The following VPS13C variants were observed in gnomAD, a reference collection of about 807,000 sequenced individuals.
The protein encoded by VPS13C is vacuolar protein sorting 13 homolog C, also known as intermembrane lipid transfer protein VPS13C.
VPS13C carries 358 observed loss-of-function variants against 456.8 expected under a neutral mutation model. The observed-to-expected ratio is 0.78, with a 90% CI of 0.72 to 0.86. VPS13C has a LOEUF of 0.86. Ranked by LOEUF, VPS13C falls within the 40% of genes least tolerant of loss-of-function variation. The probability of loss-of-function intolerance (pLI) is 0.00; values close to 1 mark genes in which losing one functional copy is unlikely to be tolerated. For synonymous variants in VPS13C, 1,578 were observed against 1,486.7 expected, an observed-to-expected ratio of 1.06 and a Z score of -1.41; for missense variants, 4,818 against 4,385.4, an observed-to-expected ratio of 1.10 and a Z score of -2.79.
chr15:61,946,378 G>C lies in VPS13C; in HGVS notation c.4909C>G (p.Gln1637Glu), dbSNP rs2044605641. 2 of 1,606,284 alleles carry C rather than the reference G, an allele frequency of 1.2e-6. No individual in the cohort carries two copies. The highest frequency in any genetic ancestry group is 1.7e-6 in the Non-Finnish European group (2 of 1,176,704). The change falls in exon 44 of 85, where the codon CAG becomes GAG. Residue 1637 changes from glutamine to glutamate, a missense_variant. Around this residue, in one of 3 missense-constraint regions of VPS13C, gnomAD observed 4,552 missense variants for 4,130.6 expected, o/e 1.10. Transcript: ENST00000644861. ...TTAAGTCTGGCAAACACATCAGTCT[G>C]CTTAGGCTTCACAGAAATAGAGGCA... ...MDASISVKPK[Q>E]TDVFARLKDI...
chr15:61,894,020 G>A (rs757191647), intron 66 of VPS13C, among the ~76,000 whole-genome samples: 6 of 152,036 alleles, frequency 3.9e-5, no homozygotes, highest in Non-Finnish European at 8.8e-5. Context: ...AAAAGAATCA[G>A]AAAGGCCAGG....
intron 5 of VPS13C, among the ~76,000 whole-genome samples, chr15:62,030,190 A>T (rs1374698661): frequency 1.3e-5 from 2 of 152,180 alleles, no homozygotes; most frequent in African/African-American, 2.4e-5. Context: ...TTAAAGATAA[A>T]TTTACATAGA....
intron 82 of VPS13C, among the ~76,000 whole-genome samples, chr15:61,857,009 T>TA (rs1472511566): frequency 1.3e-5 from 2 of 151,702 alleles, no homozygotes; most frequent in South Asian, 2.1e-4. Context: ...TCAATGGCAA[T>TA]AAAAAAAATA....
At chr15:61,907,097 C>G in intron 66 of VPS13C, 167 bp downstream of exon 66, 2 of 837,530 alleles carry the variant, frequency 2.4e-6, no homozygotes, top group Non-Finnish European at 3.8e-6. Context: ...AGGTAATATA[C>G]TGGTTTGAAC....
chr15:62,006,627 G>A (rs1247377009), intron 15 of VPS13C, among the ~76,000 whole-genome samples: 3 of 152,188 alleles, frequency 2.0e-5, no homozygotes, highest in South Asian at 2.1e-4. Context: ...CCCAGTAACG[G>A]GATGGCTGGG....
intron 27 of VPS13C, among the ~76,000 whole-genome samples, chr15:61,970,155 A>G (rs1306952708): frequency 2.0e-5 from 3 of 152,182 alleles, no homozygotes; most frequent in African/African-American, 7.2e-5. Flanking sequence ...AGAGGCCATA[A>G]GTAGGTGTTT....
chr15:61,888,409 CTTTA>C (rs139889845), intron 67 of VPS13C, among the ~76,000 whole-genome samples: 1,768 of 152,220 alleles, frequency 0.012, 43 homozygotes, highest in African/African-American at 0.041. Flanking sequence ...TTTATAACAG[CTTTA>C]TTTGTCATTG....
intron 15 of VPS13C, among the ~76,000 whole-genome samples, chr15:62,000,843 T>C (rs1297906618): frequency 6.6e-6 from 1 of 152,154 alleles, no homozygotes; most frequent in East Asian, 1.9e-4. Flanking sequence ...TCATTAAATA[T>C]AGTATGAAAA....
At chr15:62,005,819 C>T (rs1040301577) in intron 15 of VPS13C, among the ~76,000 whole-genome samples, 2 of 152,002 alleles carry the variant, frequency 1.3e-5, no homozygotes, top group Admixed American at 1.3e-4. Flanking sequence ...TCTCCTGCCT[C>T]AGCCTCCCGA....
intron 60 of VPS13C, 124 bp from the exon 61 acceptor site, chr15:61,916,146 A>G (rs1786929079): frequency 9.0e-7 from 1 of 1,109,820 alleles, no homozygotes; most frequent in Admixed American, 2.9e-5. Flanking sequence ...TCTGTGAAGT[A>G]CCATGCTTAC....
intron 13 of VPS13C, among the ~76,000 whole-genome samples, chr15:62,009,134 T>C (rs2046954959): frequency 6.6e-6 from 1 of 152,166 alleles, no homozygotes; most frequent in Non-Finnish European, 1.5e-5. Flanking sequence ...TGATATAAAA[T>C]ATGCCTGTTT....
chr15:61,889,071 G>C (rs1435127244), intron 67 of VPS13C, among the ~76,000 whole-genome samples: 1 of 151,984 alleles, frequency 6.6e-6, no homozygotes, highest in Non-Finnish European at 1.5e-5. Context: ...TGAAAATCTA[G>C]ATTTCACTGA....
At chr15:61,929,460 A>C (rs757536701) in intron 51 of VPS13C, 41 bp downstream of exon 51, 2 of 1,558,760 alleles carry the variant, frequency 1.3e-6, no homozygotes, top group South Asian at 2.4e-5. Flanking sequence ...TTCTTGTCAA[A>C]ATATACAAGT....
At chr15:61,987,006 G>A (rs894842532) in intron 18 of VPS13C, among the ~76,000 whole-genome samples, 21 of 152,128 alleles carry the variant, frequency 1.4e-4, no homozygotes, top group Middle Eastern at 3.4e-3. Flanking sequence ...CAGGTAGAAC[G>A]AAAATTACTG....
At chr15:62,027,234 T>G (rs1183264677) in intron 6 of VPS13C, among the ~76,000 whole-genome samples, 1 of 151,994 alleles carries the variant, frequency 6.6e-6, no homozygotes, top group African/African-American at 2.4e-5. Flanking sequence ...TTTATCTACG[T>G]TAATATACCT....
At chr15:62,004,741 A>G (rs1348887670) in intron 15 of VPS13C, among the ~76,000 whole-genome samples, 1 of 150,576 alleles carries the variant, frequency 6.6e-6, no homozygotes, top group Non-Finnish European at 1.5e-5. Flanking sequence ...CGTTGGTTTC[A>G]AAGAACATCT....
chr15:62,031,518 T>C (rs79222334), intron 5 of VPS13C, among the ~76,000 whole-genome samples: 3,972 of 152,082 alleles, frequency 0.026, 185 homozygotes, highest in African/African-American at 0.091. Flanking sequence ...TAAATGTGTT[T>C]CTTAACAGTT....
intron 42 of VPS13C, among the ~76,000 whole-genome samples, chr15:61,948,022 T>C (rs767238763): frequency 6.6e-6 from 1 of 152,196 alleles, no homozygotes; most frequent in Non-Finnish European, 1.5e-5. Context: ...TGGAAGGAAA[T>C]AGAGCCTTCT....
At chr15:61,884,061 AT>A in intron 68 of VPS13C, 66 bp downstream of exon 68, 2 of 1,462,478 alleles carry the variant, frequency 1.4e-6, no homozygotes, top group Non-Finnish European at 9.1e-7. Flanking sequence ...GGGCATTACA[AT>A]TTTACTTACT....
Sources: allele counts gnomAD v4.1 joint callset (sites outside exome capture counted in the v4.1 genomes callset), GRCh38; gene constraint gnomAD v4.1.1; regional missense constraint gnomAD v4.1.1; transcripts MANE v1.5; gene names NCBI Gene and HGNC (gene_info 2026-07-23, HGNC 2026-07-21).